Variants in UNC13C observed in about 807,000 individuals in gnomAD.
UNC13C encodes the protein protein unc-13 homolog C.
In UNC13C, 174 loss-of-function variants were observed where a neutral mutation model predicts 245.4. The observed-to-expected ratio is 0.71, with a 90% CI of 0.63 to 0.80. The LOEUF (loss-of-function observed/expected upper bound fraction) is 0.80. Among genes scored for constraint, UNC13C ranks in the 30% least tolerant of loss-of-function variants. The pLI is 0.00. For synonymous variants in UNC13C, 992 were observed against 895.1 expected (o/e 1.11, Z -1.93); for missense variants, 2,829 against 2,602.9 (o/e 1.09, Z -1.89).
At chr15:54,050,843 T>C (rs1470646778) in intron 2 of UNC13C, 1 of 575,990 alleles carries the variant, frequency 1.7e-6, no homozygotes, top group African/African-American at 1.9e-5. Flanking sequence ...TTCTTGATGC[T>C]TTGGTTCTCT....
At chr15:54,060,488 G>A (rs1897764818) in intron 2 of UNC13C, among the ~76,000 whole-genome samples, 1 of 150,614 alleles carries the variant, frequency 6.6e-6, no homozygotes, top group African/African-American at 2.4e-5. Context: ...GAGAGGATGT[G>A]GAGAAATAAG....
intron 2 of UNC13C, among the ~76,000 whole-genome samples, chr15:54,087,240 A>G (rs1899296267): frequency 6.6e-6 from 1 of 152,156 alleles, no homozygotes; most frequent in South Asian, 2.1e-4. Context: ...AAATAAATCA[A>G]AGAGTCTTAA....
intron 14 of UNC13C, among the ~76,000 whole-genome samples, chr15:54,328,799 A>G (rs1412819731): frequency 6.6e-6 from 1 of 152,008 alleles, no homozygotes; most frequent in Non-Finnish European, 1.5e-5. Context: ...AGCTAAGAAT[A>G]TTTTTTAATA....
chr15:54,397,589 T>C (rs935593471), intron 18 of UNC13C, among the ~76,000 whole-genome samples: 8 of 151,512 alleles, frequency 5.3e-5, no homozygotes, highest in African/African-American at 7.2e-5. Context: ...TTGATTGATA[T>C]TGCATTAAAT....
chr15:54,341,137 TA>T (rs1004143412), intron 17 of UNC13C, among the ~76,000 whole-genome samples: 3 of 152,136 alleles, frequency 2.0e-5, no homozygotes, highest in African/African-American at 7.2e-5. Context: ...GTTTTTCTAC[TA>T]AAAAGATAAA....
the UNC13C span, among the ~76,000 whole-genome samples, chr15:53,968,441 G>A: frequency 6.6e-6 from 1 of 152,156 alleles, no homozygotes; most frequent in Non-Finnish European, 1.5e-5. Context: ...CACTTACAAT[G>A]AGGAAGAACC....
At chr15:54,273,877 C>T (rs557914604) in intron 10 of UNC13C, among the ~76,000 whole-genome samples, 1 of 152,320 alleles carries the variant, frequency 6.6e-6, no homozygotes, top group Admixed American at 6.5e-5. Flanking sequence ...CCTGGCCAAA[C>T]TGGGAGTCTG....
intron 4 of UNC13C, among the ~76,000 whole-genome samples, chr15:54,202,936 T>C (rs1169809572): frequency 6.6e-6 from 1 of 151,850 alleles, no homozygotes; most frequent in Non-Finnish European, 1.5e-5. Context: ...AGGACTAATA[T>C]CCAGAGTTTA....
chr15:54,383,574 A>G (rs1417891450), intron 17 of UNC13C, among the ~76,000 whole-genome samples: 1 of 152,116 alleles, frequency 6.6e-6, no homozygotes, highest in Non-Finnish European at 1.5e-5. Context: ...CTGAAGGGGG[A>G]GATTTGAAAG....
chr15:54,129,815 A>C (rs879427515), intron 2 of UNC13C, among the ~76,000 whole-genome samples: 1 of 151,276 alleles, frequency 6.6e-6, no homozygotes, highest in Admixed American at 6.6e-5. Flanking sequence ...CTTAAGATTT[A>C]TACTTCCATT....
rs536882182 is a variant in UNC13C, at chr15:54,279,883, T to A, written c.3819-14012T>A. The stretch of plus-strand genomic sequence containing the variant: ...TGTATTTTGTTTACTGTAGGATGGA[T>A]GTGCTCCCTAAAAGTCAATATAATA... On this transcript the variant is annotated intron_variant, in intron 10 of 32. Coordinates refer to ENST00000260323, the MANE Select transcript of UNC13C (RefSeq NM_001080534.3). Among the ~76,000 whole-genome samples the A allele has an allele frequency of 4.6e-5, 7 of 152,288 alleles. No homozygotes were observed. In the South Asian group the frequency reaches 1.4e-3, roughly 32 times the overall value.
At chr15:54,060,433 A>G (rs1330966516) in intron 2 of UNC13C, among the ~76,000 whole-genome samples, 1 of 152,204 alleles carries the variant, frequency 6.6e-6, no homozygotes, top group Non-Finnish European at 1.5e-5. Context: ...ATCTCACACC[A>G]GTTAGAATGG....
At chr15:54,387,144 G>A (rs1026530977) in intron 17 of UNC13C, among the ~76,000 whole-genome samples, 3 of 152,134 alleles carry the variant, frequency 2.0e-5, no homozygotes, top group Admixed American at 1.3e-4. Flanking sequence ...ATGAGCCAAC[G>A]GAGTAAAGTG....
At chr15:54,038,045 T>C (rs1357657165) in intron 2 of UNC13C, among the ~76,000 whole-genome samples, 1 of 146,268 alleles carries the variant, frequency 6.8e-6, no homozygotes, top group Non-Finnish European at 1.5e-5. Context: ...AAATAGATTC[T>C]CTTATGCTTT....
rs548544193 is a variant in UNC13C, at chr15:54,500,308, C to T, written c.5157+133C>T. The stretch of plus-strand genomic sequence containing the variant: ...CCCAGTGACCAAAATTAATTTAAAA[C>T]ACAATTTCAGTGGTCTGGTCAGAAC... On this transcript the variant is annotated intron_variant, in intron 21 of 32. Coordinates refer to ENST00000260323, the MANE Select transcript of UNC13C (RefSeq NM_001080534.3). The T allele has an allele frequency of 1.4e-5, 10 of 708,952 alleles. No individual in the cohort carries two copies. The South Asian group carries it at 1.8e-4, about 13-fold the overall frequency. The allele number at this position is 708,952 out of a possible 1,614,324, so 43.9% of individuals were successfully genotyped here. A position where few individuals can be genotyped will look rare whatever the true frequency, so the allele number is the denominator to read the frequency against.
the UNC13C span, among the ~76,000 whole-genome samples, chr15:53,861,914 G>T: frequency 1.3e-5 from 2 of 152,070 alleles, no homozygotes; most frequent in Non-Finnish European, 2.9e-5. Context: ...CCACTATCTT[G>T]TCCCTCCAAC....
intron 19 of UNC13C, among the ~76,000 whole-genome samples, chr15:54,437,326 C>G (rs1326993825): frequency 1.3e-5 from 2 of 151,938 alleles, no homozygotes; most frequent in African/African-American, 4.8e-5. Flanking sequence ...TCAATAGCAT[C>G]TAAATATTGT....
In UNC13C at chr15:54,264,228, C is replaced by G; in HGVS notation, c.3509C>G (p.Ala1170Gly). 1 of 1,595,648 alleles carries G rather than the reference C, an allele frequency of 6.3e-7. No individual in the cohort carries two copies. The highest frequency in any genetic ancestry group is 1.1e-5 in the South Asian group (1 of 87,538). Residue 1170 changes from alanine (A) to glycine (G), a missense_variant, in exon 9 of 33, where the codon GCA (alanine) becomes GGA (glycine). Ala to Gly is a moderately conservative substitution (Grantham distance 60). Transcript: ENST00000260323. ...GACAAGACTCAGACCATTATTACAGCAATGAAAGAAAGAATGAAGATCAGG... is the reference window on the plus strand; with the variant it reads ...GACAAGACTCAGACCATTATTACAGGAATGAAAGAAAGAATGAAGATCAGG... ...AEDKTQTIITAMKERMKIREK... is the reference protein window; with the variant it reads ...AEDKTQTIITGMKERMKIREK...
chr15:54,321,053 C>T (rs1401646690), intron 13 of UNC13C: 11 of 472,024 alleles, frequency 2.3e-5, no homozygotes, highest in South Asian at 8.0e-5. Context: ...GTTATTCCCC[C>T]GAAACCGCCT....
Sources: gnomAD v4.1 joint callset for allele counts (sites outside exome capture counted in the v4.1 genomes callset) on GRCh38, gnomAD v4.1.1 for gene constraint, MANE v1.5 for transcripts, NCBI Gene and HGNC (gene_info 2026-07-23, HGNC 2026-07-21) for gene names.